The following ANKS1B variants were observed in gnomAD, a reference collection of about 807,000 sequenced individuals.
ANKS1B encodes ankyrin repeat and sterile alpha motif domain containing 1B, also known as ankyrin repeat and sterile alpha motif domain-containing protein 1B.
ANKS1B carries 36 observed loss-of-function variants against 148.3 expected under a neutral mutation model. The ratio of observed to expected loss-of-function variants is 0.24; its 90% CI spans 0.19 to 0.32. The LOEUF (loss-of-function observed/expected upper bound fraction) is 0.32, where lower values mean the gene tolerates loss of function less well. Among genes scored for constraint, ANKS1B ranks in the 10% least tolerant of loss-of-function variants. The pLI is 1.00. For synonymous variants in ANKS1B, 542 were observed against 560.8 expected (o/e 0.97, Z 0.47); for missense variants, 1,157 against 1,542.6 (o/e 0.75, Z 4.19).
intron 8 of ANKS1B, among the ~76,000 whole-genome samples, chr12:99,744,382 C>T (rs141765806): frequency 3.7e-4 from 57 of 152,200 alleles, no homozygotes; most frequent in Non-Finnish European, 6.9e-4. Context: ...AAGTACAAGA[C>T]CATCATTAAA....
At chr12:99,738,920 T>C (rs2059846000) in intron 8 of ANKS1B, among the ~76,000 whole-genome samples, 2 of 152,108 alleles carry the variant, frequency 1.3e-5, no homozygotes, top group African/African-American at 4.8e-5. Context: ...AGGTGGACAT[T>C]TGATACCAAC....
At chr12:98,967,620 G>C (rs1350496153) in intron 17 of ANKS1B, among the ~76,000 whole-genome samples, 18 of 137,826 alleles carry the variant, frequency 1.3e-4, no homozygotes, top group African/African-American at 4.6e-4. Context: ...ATGAAGGGAA[G>C]AGAGGGTAGA....
chr12:99,851,982 T>C (rs369888804), intron 1 of ANKS1B, among the ~76,000 whole-genome samples: 48 of 152,326 alleles, frequency 3.2e-4, no homozygotes, highest in African/African-American at 1.1e-3. Context: ...ATTACATGCA[T>C]GCCTGTGGTT....
At chr12:99,364,031 A>G (rs2092632084) in intron 12 of ANKS1B, among the ~76,000 whole-genome samples, 1 of 152,130 alleles carries the variant, frequency 6.6e-6, no homozygotes, top group Non-Finnish European at 1.5e-5. Context: ...GAGGTCTTAA[A>G]TGAATATCTC....
chr12:99,006,733 CGAT>C (rs1387013505), intron 17 of ANKS1B, among the ~76,000 whole-genome samples: 1 of 152,112 alleles, frequency 6.6e-6, no homozygotes, highest in African/African-American at 2.4e-5. Context: ...GTGATGATGA[CGAT>C]GATATTAGTT....
chr12:99,827,537 C>T (rs2083357384), intron 1 of ANKS1B, among the ~76,000 whole-genome samples: 1 of 152,110 alleles, frequency 6.6e-6, no homozygotes, highest in Non-Finnish European at 1.5e-5. Flanking sequence ...TTTAGCTGCT[C>T]TTGCCACAAA....
At chr12:98,872,293 C>T (rs1451826248) in intron 17 of ANKS1B, among the ~76,000 whole-genome samples, 1 of 152,152 alleles carries the variant, frequency 6.6e-6, no homozygotes, top group African/African-American at 2.4e-5. Flanking sequence ...AAGCCCAGCA[C>T]TTTGGGAGGC....
chr12:98,909,777 A>G (rs1178443849), intron 17 of ANKS1B, among the ~76,000 whole-genome samples: 1 of 152,258 alleles, frequency 6.6e-6, no homozygotes, highest in Non-Finnish European at 1.5e-5. Flanking sequence ...GATGCAATTC[A>G]TTGTGCAAGA....
intron 1 of ANKS1B, among the ~76,000 whole-genome samples, chr12:99,908,443 G>A (rs911410815): frequency 2.6e-5 from 4 of 152,066 alleles, no homozygotes; most frequent in Non-Finnish European, 5.9e-5. Context: ...AGCCAGGCGT[G>A]GTGATGTGCA....
intron 1 of ANKS1B, among the ~76,000 whole-genome samples, chr12:99,933,589 TG>T (rs1440218336): frequency 6.6e-6 from 1 of 152,196 alleles, no homozygotes; most frequent in Non-Finnish European, 1.5e-5. Flanking sequence ...ATGTTGGTTT[TG>T]TATTCTGCAA....
intron 12 of ANKS1B, among the ~76,000 whole-genome samples, chr12:99,394,530 C>T (rs1420854355): frequency 1.3e-5 from 2 of 152,070 alleles, no homozygotes. Context: ...AGTGACCCCC[C>T]CACCCCCAAT....
chr12:99,093,998 G>A (rs1004742516), intron 15 of ANKS1B, among the ~76,000 whole-genome samples: 2 of 152,214 alleles, frequency 1.3e-5, no homozygotes, highest in Non-Finnish European at 2.9e-5. Context: ...GGCTGCCTTA[G>A]ACAGGAGGTC....
intron 15 of ANKS1B, among the ~76,000 whole-genome samples, chr12:99,102,131 T>C (rs1191377316): frequency 6.6e-6 from 1 of 152,028 alleles, no homozygotes; most frequent in Non-Finnish European, 1.5e-5. Flanking sequence ...GCCAAGAGGG[T>C]AACGAGTTTC....
At chr12:99,056,041 C>T (rs560311982) in intron 16 of ANKS1B, among the ~76,000 whole-genome samples, 1 of 152,122 alleles carries the variant, frequency 6.6e-6, no homozygotes, top group South Asian at 2.1e-4. Flanking sequence ...AAGACAAGGG[C>T]AGGGTAGAGA....
At chr12:99,468,491 A>G (rs140254085) in intron 10 of ANKS1B, among the ~76,000 whole-genome samples, 12,473 of 152,224 alleles carry the variant, frequency 0.082, 704 homozygotes, top group African/African-American at 0.15. Context: ...CTACCATCAG[A>G]GTGAACAGGC....
intron 9 of ANKS1B, among the ~76,000 whole-genome samples, chr12:99,604,387 A>C (rs973655666): frequency 7.2e-5 from 11 of 152,100 alleles, no homozygotes; most frequent in African/African-American, 2.7e-4. Flanking sequence ...CCAACTGGAA[A>C]ATCTCAAAGT....
intron 1 of ANKS1B, among the ~76,000 whole-genome samples, chr12:99,950,729 C>T (rs1162293946): frequency 6.6e-6 from 1 of 151,820 alleles, no homozygotes; most frequent in East Asian, 1.9e-4. Context: ...CCCTCAAAAC[C>T]ACCCCCCCCA....
intron 14 of ANKS1B, among the ~76,000 whole-genome samples, chr12:99,195,531 A>G (rs2081285899): frequency 6.6e-6 from 1 of 152,168 alleles, no homozygotes; most frequent in South Asian, 2.1e-4. Flanking sequence ...GAACTTCACA[A>G]GGAGATGAAG....
At chr12:99,306,547 T>G (rs993003255) in intron 12 of ANKS1B, among the ~76,000 whole-genome samples, 4 of 152,084 alleles carry the variant, frequency 2.6e-5, no homozygotes, top group African/African-American at 4.8e-5. Context: ...GATGATGGTT[T>G]TACATGACAG....
Sources: gnomAD v4.1 joint callset for allele counts (sites outside exome capture counted in the v4.1 genomes callset) on GRCh38, gnomAD v4.1.1 for gene constraint, MANE v1.5 for transcripts, NCBI Gene and HGNC (gene_info 2026-07-23, HGNC 2026-07-21) for gene names.